TMEM232: variants seen among roughly 807,000 people sequenced by gnomAD.
The protein encoded by TMEM232 is transmembrane protein 232.
In TMEM232, 80 loss-of-function variants were observed where a neutral mutation model predicts 78.8. The observed-to-expected ratio is 1.01, with a 90% CI of 0.85 to 1.22. TMEM232 has a LOEUF of 1.22. Ranked by LOEUF, TMEM232 falls within the 50% of genes most tolerant of loss-of-function variation. The pLI is 0.00. For missense variants in TMEM232, 881 were observed against 742.2 expected (o/e 1.19, Z -2.17); for synonymous variants, 297 against 254.3 (o/e 1.17, Z -1.60).
chr5:110,539,716 T>G (rs531489391), intron 11 of TMEM232, among the ~76,000 whole-genome samples: 2 of 152,318 alleles, frequency 1.3e-5, no homozygotes, highest in East Asian at 3.9e-4. Context: ...ATGACCTTCT[T>G]GTGCGTAGCC....
intron 2 of TMEM232, among the ~76,000 whole-genome samples, chr5:110,649,828 A>G (rs1297629104): frequency 6.6e-6 from 1 of 152,076 alleles, no homozygotes; most frequent in Non-Finnish European, 1.5e-5. Flanking sequence ...AAATCAATGT[A>G]TGGCAATATA....
rs146657284 is a variant in TMEM232 at position 110,676,731 on chromosome 5, TTTTATTTATTTA to T, written c.-12-9379_-12-9368del. Among the ~76,000 whole-genome samples, 1,166 of 139,300 alleles carry T rather than the reference TTTTATTTATTTA, an allele frequency of 8.4e-3. 15 individuals are homozygous for T. Among genetic ancestry groups the T allele is most frequent in the African/African-American group, 0.023 (818 of 36,324 alleles). 91.4% of individuals were successfully genotyped at this position (139,300 alleles called of 152,430 possible). On this transcript the variant is annotated intron_variant, in intron 1 of 13. Transcript: ENST00000455884. ...AAGCCACCATGCCGGACCCTTCATC[TTTTATTTATTTA>T]TTTATTTATTTATTTATTTATTTAT...
chr5:110,427,042 C>T (rs561659012), intron 12 of TMEM232, among the ~76,000 whole-genome samples: 1 of 151,940 alleles, frequency 6.6e-6, no homozygotes, highest in East Asian at 1.9e-4. Flanking sequence ...TTCTTAGTTA[C>T]CTCAGTTGAA....
intron 2 of TMEM232, among the ~76,000 whole-genome samples, chr5:110,663,224 T>A (rs1486260891): frequency 6.6e-6 from 1 of 152,062 alleles, no homozygotes; most frequent in African/African-American, 2.4e-5. Context: ...ATGATATAGC[T>A]ACACTCAACA....
At chr5:110,626,746 C>T (rs1332372840) in intron 6 of TMEM232, among the ~76,000 whole-genome samples, 1 of 151,982 alleles carries the variant, frequency 6.6e-6, no homozygotes, top group African/African-American at 2.4e-5. Context: ...TGGGTATGCT[C>T]CCAAGATCAG....
At chr5:110,574,764 G>A (rs1777381827) in intron 10 of TMEM232, among the ~76,000 whole-genome samples, 1 of 152,088 alleles carries the variant, frequency 6.6e-6, no homozygotes, top group Non-Finnish European at 1.5e-5. Flanking sequence ...AGGATAATGG[G>A]AAGCTCTGTA....
intron 1 of TMEM232, among the ~76,000 whole-genome samples, chr5:110,695,054 A>G (rs980073567): frequency 1.3e-5 from 2 of 152,236 alleles, no homozygotes; most frequent in Non-Finnish European, 2.9e-5. Context: ...AGTTGGAAGT[A>G]AAGCACTCCT....
At chr5:110,636,231 C>T (rs1251579810) in intron 5 of TMEM232, among the ~76,000 whole-genome samples, 1 of 151,524 alleles carries the variant, frequency 6.6e-6, no homozygotes, top group Non-Finnish European at 1.5e-5. Context: ...ACAAAGAGAA[C>T]AGAATAATAT....
intron 3 of TMEM232, among the ~76,000 whole-genome samples, chr5:110,396,440 T>C (rs73782450): frequency 0.036 from 5,533 of 152,280 alleles, 142 homozygotes; most frequent in African/African-American, 0.071. Flanking sequence ...ATATTCTCTT[T>C]AGTTGCTGCA....
intron 1 of TMEM232, among the ~76,000 whole-genome samples, chr5:110,672,913 G>C (rs1241697125): frequency 2.0e-5 from 3 of 151,964 alleles, no homozygotes; most frequent in Non-Finnish European, 2.9e-5. Context: ...CAGGTATCTA[G>C]AACTAGAAAT....
At chr5:110,599,020 A>T (rs1008679542) in intron 10 of TMEM232, among the ~76,000 whole-genome samples, 3 of 151,772 alleles carry the variant, frequency 2.0e-5, no homozygotes, top group African/African-American at 7.2e-5. Flanking sequence ...ATAATAATAA[A>T]AAAAAGAAAA....
At chr5:110,397,468 A>G (rs2112564581) in intron 3 of TMEM232, among the ~76,000 whole-genome samples, 1 of 152,278 alleles carries the variant, frequency 6.6e-6, no homozygotes, top group South Asian at 2.1e-4. Context: ...TGCCCTCCTC[A>G]GTATATTAGC....
chr5:110,511,241 C>A (rs995560539), intron 12 of TMEM232, among the ~76,000 whole-genome samples: 2 of 151,938 alleles, frequency 1.3e-5, no homozygotes, highest in Admixed American at 6.6e-5. Context: ...GGGAGTTGAA[C>A]AATGAGAGTA....
intron 2 of TMEM232, among the ~76,000 whole-genome samples, chr5:110,404,760 A>G (rs1366186246): frequency 6.6e-6 from 1 of 152,112 alleles, no homozygotes; most frequent in Non-Finnish European, 1.5e-5. Flanking sequence ...AATTCCAAAG[A>G]AAAACAAGTG....
intron 7 of TMEM232, among the ~76,000 whole-genome samples, chr5:110,621,416 G>GA (rs1228831594): frequency 1.3e-5 from 2 of 151,942 alleles, no homozygotes; most frequent in African/African-American, 4.8e-5. Context: ...CACAAAAAAT[G>GA]AAAAATACGT....
chr5:110,586,546 G>C (rs1440164050), intron 10 of TMEM232, among the ~76,000 whole-genome samples: 1 of 149,854 alleles, frequency 6.7e-6, no homozygotes, highest in African/African-American at 2.5e-5. Context: ...AGCATAGAAG[G>C]CATATTTCCA....
Position 110,667,382 on chromosome 5 carries a change from T to A in TMEM232, c.-12-18A>T, listed in dbSNP as rs1454916447. On this transcript the variant is annotated intron_variant, in intron 1 of 13. Transcript: ENST00000455884. ...CATAAATTCTAAAAGGAATATTAAA[T>A]GTATGTTAGCATACAAATGCACTCA... The A allele has an allele frequency of 1.4e-6, 2 of 1,476,454 alleles. No homozygotes were observed. The highest frequency in any genetic ancestry group is 2.5e-5 in the Admixed American group (1 of 39,752). 91.5% of individuals were successfully genotyped at this position (1,476,454 alleles called of 1,614,324 possible).
chr5:110,691,361 G>T (rs945728782), intron 1 of TMEM232, among the ~76,000 whole-genome samples: 1 of 152,168 alleles, frequency 6.6e-6, no homozygotes, highest in Non-Finnish European at 1.5e-5. Flanking sequence ...ACCATAGGAA[G>T]CCCTTTGTCT....
intron 1 of TMEM232, among the ~76,000 whole-genome samples, chr5:110,692,637 C>A (rs1794270419): frequency 6.6e-6 from 1 of 152,208 alleles, no homozygotes; most frequent in Non-Finnish European, 1.5e-5. Flanking sequence ...TAACAAACGG[C>A]ACACCAGGAG....
Sources: allele counts gnomAD v4.1 joint callset (sites outside exome capture counted in the v4.1 genomes callset), GRCh38; gene constraint gnomAD v4.1.1; transcripts MANE v1.5; gene names NCBI Gene and HGNC (gene_info 2026-07-23, HGNC 2026-07-21).